B4GALT2: variants seen among roughly 807,000 people sequenced by gnomAD.
B4GALT2 encodes the protein beta-1,4-galactosyltransferase 2.
Under a neutral mutation model 33.2 loss-of-function variants are expected in B4GALT2, and 18 were observed. That is an observed-to-expected ratio of 0.54 (90% CI 0.38 to 0.80). The LOEUF (loss-of-function observed/expected upper bound fraction) is 0.80. B4GALT2 is among the 30% of genes least tolerant of loss of function. B4GALT2 has a pLI of 0.00. For synonymous variants in B4GALT2, 214 were observed against 217.6 expected (o/e 0.98, Z 0.15); for missense variants, 404 against 526.2 (o/e 0.77, Z 2.27).
At position 43,981,651 on chromosome 1, in the gene B4GALT2, G is replaced by A. The variant is rs1030841498; in HGVS notation, c.314-38G>A. The A allele has an allele frequency of 6.4e-7, 1 of 1,573,096 alleles. No homozygotes were observed. The highest frequency in any genetic ancestry group is 8.7e-7 in the Non-Finnish European group (1 of 1,155,826). ...GTGGGGGCTGGTATCTGTGGATTCT[G>A]GCCAATGCCCTGATTCCTGACACTG... On this transcript the variant is annotated intron_variant, in intron 2 of 6. Transcript: ENST00000372324. The surrounding 1 kb of genome is among the most constrained non-coding windows in gnomAD (Gnocchi z 8.1).
chr1:43,982,377 T>C lies in B4GALT2; in HGVS notation c.549+453T>C, dbSNP rs2085610377. 6.6e-6 allele frequency among the ~76,000 whole-genome samples: 1 copy of C among 152,016 alleles called. No individual in the cohort carries two copies. Among genetic ancestry groups the C allele is most frequent in the South Asian group, 2.1e-4 (1 of 4,822 alleles). On this transcript the variant is annotated intron_variant, in intron 3 of 6. Coordinates refer to ENST00000372324, the MANE Select transcript of B4GALT2 (RefSeq NM_003780.5). The surrounding 1 kb of genome is among the most constrained non-coding windows in gnomAD (Gnocchi z 4.3). ...ACTAGGTCCCAGAAGGGACCTCTGATGCAGGCCCCCCCGCCCCCGCCGACC... is the reference window on the plus strand; with the variant it reads ...ACTAGGTCCCAGAAGGGACCTCTGACGCAGGCCCCCCCGCCCCCGCCGACC...
chr1:43,979,254 T>TGGTCCGTGGGTCCGCC lies in B4GALT2; in HGVS notation c.-297_-282dup, dbSNP rs895342528. On this transcript the variant is annotated 5_prime_UTR_variant, in exon 1 of 7. Coordinates refer to ENST00000372324, the MANE Select transcript of B4GALT2 (RefSeq NM_003780.5). The surrounding 1 kb of genome is among the most constrained non-coding windows in gnomAD (Gnocchi z 4.8). ...GCGCGGGAGGGAGGCGGCGGCGCTG[T>TGGTCCGTGGGTCCGCC]GGTCCGTGGGTCCGCCGGTCCGTGG... 4.1e-5 allele frequency: 6 copies of TGGTCCGTGGGTCCGCC among 144,944 alleles called. No individual in the cohort carries two copies. In the South Asian group the frequency reaches 9.4e-4, roughly 23 times the overall value. 9.0% of individuals were successfully genotyped at this position (144,944 alleles called of 1,614,324 possible). A position where few individuals can be genotyped will look rare whatever the true frequency, so the allele number is the denominator to read the frequency against.
chr1:43,979,994 G>C lies in B4GALT2; in HGVS notation c.-53+483G>C. Reference sequence around the variant, plus strand: ...CTGCACGTGGGTCTGGGTGTGAGCTGTCTGAGAGTCTGGATGTATGGCTGT... The same window carrying C: ...CTGCACGTGGGTCTGGGTGTGAGCTCTCTGAGAGTCTGGATGTATGGCTGT... On this transcript the variant is annotated intron_variant, in intron 1 of 6. Coordinates refer to ENST00000372324, the MANE Select transcript of B4GALT2 (RefSeq NM_003780.5). This position sits in a 1 kb window ranked among gnomAD's most constrained non-coding sequence, Gnocchi z 4.8. The C allele has an allele frequency of 6.6e-7, 1 of 1,526,200 alleles. No individual in the cohort carries two copies. Among genetic ancestry groups the C allele is most frequent in the Non-Finnish European group, 8.8e-7 (1 of 1,142,002 alleles). The allele number at this position is 1,526,200 out of a possible 1,614,324, so 94.5% of individuals were successfully genotyped here.
At chr1:43,987,779 C>T (rs578100875) in intron 6 of B4GALT2, among the ~76,000 whole-genome samples, 15 of 152,310 alleles carry the variant, frequency 9.8e-5, no homozygotes, top group Admixed American at 5.2e-4. Context: ...TGCCCTTGCA[C>T]GGTGTACTTG....
chr1:43,986,632 G>A (rs991565408), intron 6 of B4GALT2, among the ~76,000 whole-genome samples: 6 of 152,188 alleles, frequency 3.9e-5, no homozygotes, highest in East Asian at 1.9e-4. Context: ...GGAAAGTCAC[G>A]TCTGGATGTT....
In B4GALT2 at chr1:43,979,723, T is replaced by G; in HGVS notation, c.-53+212T>G. ...GCCCGCGTCCAGCCGGCCTCCCTCA[T>G]TGTCCTCGCTCGCCCCGGCCTCGTG... On this transcript the variant is annotated intron_variant, in intron 1 of 6. Coordinates refer to ENST00000372324, the MANE Select transcript of B4GALT2 (RefSeq NM_003780.5). The surrounding 1 kb of genome is among the most constrained non-coding windows in gnomAD (Gnocchi z 4.8). The G allele has an allele frequency of 1.5e-5, 5 of 324,694 alleles. No individual in the cohort carries two copies. The highest frequency in any genetic ancestry group is 6.1e-5 in the East Asian group (1 of 16,418). 20.1% of individuals were successfully genotyped at this position (324,694 alleles called of 1,614,324 possible).
At chr1:43,980,027 C>G (rs1571800233) in intron 1 of B4GALT2, 2 of 1,519,276 alleles carry the variant, frequency 1.3e-6, no homozygotes, top group Non-Finnish European at 1.8e-6. Flanking sequence ...TGTGGAAGTC[C>G]AGGAGCAGTG....
chr1:43,983,592 G>A (rs1375038027), intron 3 of B4GALT2, among the ~76,000 whole-genome samples: 22 of 152,174 alleles, frequency 1.4e-4, no homozygotes, highest in Admixed American at 1.2e-3. Context: ...CGGATTTGAC[G>A]AAATGGAAAT....
chr1:43,980,764 T>G, intron 1 of B4GALT2: 1 of 405,660 alleles, frequency 2.5e-6, no homozygotes, highest in Non-Finnish European at 4.1e-6. Context: ...TACAAACCAG[T>G]GTGGTTAGAG....
chr1:43,984,772 G>T lies in B4GALT2; in HGVS notation c.550-93G>T. On this transcript the variant is annotated intron_variant, in intron 3 of 6. Transcript: ENST00000372324. This position sits in a 1 kb window ranked among gnomAD's most constrained non-coding sequence, Gnocchi z 5.6. ...GGAGGAGCCATGCAGCGAGGGGGCT[G>T]GTAGATCCCCAGAGACTGCTCTGGA... 7.5e-7 allele frequency: 1 copy of T among 1,331,496 alleles called. No homozygotes were observed. The highest frequency in any genetic ancestry group is 1.0e-6 in the Non-Finnish European group (1 of 965,282). 82.5% of individuals were successfully genotyped at this position (1,331,496 alleles called of 1,614,324 possible). A position where few individuals can be genotyped will look rare whatever the true frequency, so the allele number is the denominator to read the frequency against.
Position 43,981,652 on chromosome 1 carries a change from G to C in B4GALT2, c.314-37G>C. The C allele has an allele frequency of 6.4e-7, 1 of 1,573,838 alleles. No individual in the cohort carries two copies. Among genetic ancestry groups the C allele is most frequent in the Middle Eastern group, 1.7e-4 (1 of 5,872 alleles). ...TGGGGGCTGGTATCTGTGGATTCTG[G>C]CCAATGCCCTGATTCCTGACACTGT... On this transcript the variant is annotated intron_variant, in intron 2 of 6. Transcript: ENST00000372324. The surrounding 1 kb of genome is among the most constrained non-coding windows in gnomAD (Gnocchi z 8.1).
At position 43,990,351 on chromosome 1, in the gene B4GALT2, C is replaced by T. The variant is rs2085715253; in HGVS notation, c.1022C>T (p.Ser341Leu). ...KLTMKRDGIG[S>L]VRYQVLEVSR... ...ACCATGAAGCGGGACGGCATTGGGTCAGTGCGGTACCAGGTCTTGGAGGTG... is the reference window on the plus strand; with the variant it reads ...ACCATGAAGCGGGACGGCATTGGGTTAGTGCGGTACCAGGTCTTGGAGGTG... Residue 341 changes from serine to leucine, a missense_variant, in exon 7 of 7, where the codon TCA becomes TTA. By Grantham distance (145) the Ser-to-Leu change is moderately radical (BLOSUM62 -2). Transcript: ENST00000372324. 1 of 1,614,166 alleles carries T rather than the reference C, an allele frequency of 6.2e-7. No homozygotes were observed. The highest frequency in any genetic ancestry group is 8.5e-7 in the Non-Finnish European group (1 of 1,180,020).
In B4GALT2 at chr1:43,984,110, C is replaced by G. The variant is rs970512778; in HGVS notation, c.550-755C>G. ...GGTGCTTAGGCCTACATGGCCAGGACCCCTGCAGCCCCAATTCTCAGGGGA... is the reference window on the plus strand; with the variant it reads ...GGTGCTTAGGCCTACATGGCCAGGAGCCCTGCAGCCCCAATTCTCAGGGGA... On this transcript the variant is annotated intron_variant, in intron 3 of 6. Coordinates refer to ENST00000372324, the MANE Select transcript of B4GALT2 (RefSeq NM_003780.5). The surrounding 1 kb of genome is among the most constrained non-coding windows in gnomAD (Gnocchi z 5.6). Among the ~76,000 whole-genome samples the G allele has an allele frequency of 2.0e-5, 3 of 152,220 alleles. No individual in the cohort carries two copies. The highest frequency in any genetic ancestry group is 7.2e-5 in the African/African-American group (3 of 41,466).
intron 6 of B4GALT2, among the ~76,000 whole-genome samples, chr1:43,989,832 A>G (rs1018337581): frequency 6.6e-6 from 1 of 152,054 alleles, no homozygotes; most frequent in African/African-American, 2.4e-5. Flanking sequence ...TGAGCTGCAA[A>G]TTTTTTTCTA....
Position 43,981,579 on chromosome 1 carries a change from G to A in B4GALT2, c.313+106G>A, listed in dbSNP as rs963162244. On this transcript the variant is annotated intron_variant, in intron 2 of 6. Transcript: ENST00000372324. This position sits in a 1 kb window ranked among gnomAD's most constrained non-coding sequence, Gnocchi z 8.1. ...GGTGTGCCAGGGGTCCAGGTCTGTTGTAAGAGGGCTATTCTTGGGGTTCCC... is the reference window on the plus strand; with the variant it reads ...GGTGTGCCAGGGGTCCAGGTCTGTTATAAGAGGGCTATTCTTGGGGTTCCC... 15 of 1,529,818 alleles carry A rather than the reference G, an allele frequency of 9.8e-6. No homozygotes were observed. Among genetic ancestry groups the A allele is most frequent in the Non-Finnish European group, 1.3e-5 (15 of 1,137,390 alleles). 94.8% of individuals were successfully genotyped at this position (1,529,818 alleles called of 1,614,324 possible).
rs2085616697 is a variant in B4GALT2 at position 43,982,984 on chromosome 1, T to C, written c.549+1060T>C. Among the ~76,000 whole-genome samples, 1 of 150,538 alleles carries C rather than the reference T, an allele frequency of 6.6e-6. No individual in the cohort carries two copies. The highest frequency in any genetic ancestry group is 6.6e-5 in the Admixed American group (1 of 15,122). On this transcript the variant is annotated intron_variant, in intron 3 of 6. Coordinates refer to ENST00000372324, the MANE Select transcript of B4GALT2 (RefSeq NM_003780.5). The surrounding 1 kb of genome is among the most constrained non-coding windows in gnomAD (Gnocchi z 4.3). The stretch of plus-strand genomic sequence containing the variant: ...GGGTTGTTACGCAAGTAGTGGAGAG[T>C]GAGAAAAGAGCGACGTCAGGACAGC...
intron 6 of B4GALT2, among the ~76,000 whole-genome samples, chr1:43,988,868 GTC>G (rs1416013707): frequency 1.2e-5 from 1 of 83,522 alleles, no homozygotes; most frequent in African/African-American, 4.2e-5. Context: ...AAAAAAAAAA[GTC>G]TGAGCTGAGA....
chr1:43,985,788 G>GC (rs779958162), intron 6 of B4GALT2, 167 bp downstream of exon 6: 3 of 664,708 alleles, frequency 4.5e-6, no homozygotes, highest in South Asian at 3.6e-5. Flanking sequence ...GTGATCCAAG[G>GC]CCCCTCAGGA....
At position 43,984,733 on chromosome 1, in the gene B4GALT2, G is replaced by A; in HGVS notation, c.550-132G>A. 1.0e-6 allele frequency: 1 copy of A among 953,448 alleles called. No homozygotes were observed. Among genetic ancestry groups the A allele is most frequent in the Non-Finnish European group, 1.5e-6 (1 of 651,194 alleles). 59.1% of individuals were successfully genotyped at this position (953,448 alleles called of 1,614,324 possible). A position where few individuals can be genotyped will look rare whatever the true frequency, so the allele number is the denominator to read the frequency against. On this transcript the variant is annotated intron_variant, in intron 3 of 6. Transcript: ENST00000372324. The surrounding 1 kb of genome is among the most constrained non-coding windows in gnomAD (Gnocchi z 5.6). The stretch of plus-strand genomic sequence containing the variant: ...AGATCCCGGTCGAGAAGCTGGACTA[G>A]ATCCTGAGAGCCTGGAGGAGCCATG...
Sources: gnomAD v4.1 joint callset for allele counts (sites outside exome capture counted in the v4.1 genomes callset) on GRCh38, gnomAD v4.1.1 for gene constraint, Gnocchi (gnomAD v3.1) non-coding constraint, MANE v1.5 for transcripts, NCBI Gene and HGNC (gene_info 2026-07-23, HGNC 2026-07-21) for gene names.